Variants in CDH26 observed in about 807,000 individuals in gnomAD.
CDH26 encodes the protein cadherin 26, also known as cadherin-like protein 26.
CDH26 carries 83 observed loss-of-function variants against 90.3 expected under a neutral mutation model. The ratio of observed to expected loss-of-function variants is 0.92; its 90% CI spans 0.77 to 1.10. The LOEUF (loss-of-function observed/expected upper bound fraction) is 1.10, where lower values mean the gene tolerates loss of function less well. CDH26 is among the 50% of genes least tolerant of loss of function. The probability of loss-of-function intolerance (pLI) is 0.00; values close to 1 mark genes in which losing one functional copy is unlikely to be tolerated. For synonymous variants in CDH26, 397 were observed against 396.3 expected, an observed-to-expected ratio of 1.00 and a Z score of -0.02; for missense variants, 1,013 against 1,037.6, an observed-to-expected ratio of 0.98 and a Z score of 0.33.
chr20:60,020,863 G>C (rs552093355), intron 7 of CDH26, among the ~76,000 whole-genome samples: 1 of 152,274 alleles, frequency 6.6e-6, no homozygotes, highest in South Asian at 2.1e-4. Context: ...TTGTATGTAA[G>C]GACTGTAGGT....
chr20:60,021,202 G>C (rs2061949474), intron 7 of CDH26, among the ~76,000 whole-genome samples: 1 of 152,194 alleles, frequency 6.6e-6, no homozygotes, highest in Admixed American at 6.5e-5. Flanking sequence ...ATATACTTCT[G>C]AGTCTGAATT....
chr20:60,011,993 A>G (rs1040604005), intron 17 of CDH26, among the ~76,000 whole-genome samples: 10 of 152,116 alleles, frequency 6.6e-5, no homozygotes, highest in African/African-American at 2.2e-4. Context: ...CAGTGGTTTG[A>G]GGAGCCACAT....
At chr20:59,984,541 G>A in intron 5 of CDH26, 98 bp from the exon 6 acceptor site, 2 of 852,464 alleles carry the variant, frequency 2.3e-6, no homozygotes, top group Non-Finnish European at 3.7e-6. Flanking sequence ...ACTCATTTTG[G>A]TATATGCCCC....
At chr20:60,000,010 A>AT (rs1166113876) in intron 14 of CDH26, among the ~76,000 whole-genome samples, 1 of 152,234 alleles carries the variant, frequency 6.6e-6, no homozygotes, top group Non-Finnish European at 1.5e-5. Context: ...TTGTGTCCAC[A>AT]TTAAGTACAT....
chr20:59,968,847 A>G (rs1046875538), intron 1 of CDH26, 120 bp from the exon 2 acceptor site: 32 of 482,510 alleles, frequency 6.6e-5, no homozygotes, highest in Admixed American at 4.7e-4. Context: ...ATTTACCAAA[A>G]CTAACTACAG....
intron 1 of CDH26, 146 bp from the exon 2 acceptor site, chr20:59,968,821 G>T: frequency 2.3e-6 from 1 of 435,922 alleles, no homozygotes; most frequent in South Asian, 6.5e-5. Flanking sequence ...TTAAGATGTA[G>T]AGGATAAGAA....
chr20:60,012,809 C>G lies in CDH26; in HGVS notation c.*79C>G. ...TCAGGGATTTTTCCCCTTTGCTCTTCTTTTCCCTCCTTAAAAGAAAAATTA... is the reference window on the plus strand; with the variant it reads ...TCAGGGATTTTTCCCCTTTGCTCTTGTTTTCCCTCCTTAAAAGAAAAATTA... On this transcript the variant is annotated 3_prime_UTR_variant, in exon 18 of 18. Transcript: ENST00000348616. 2.2e-6 allele frequency: 3 copies of G among 1,360,608 alleles called. No individual in the cohort carries two copies. The highest frequency in any genetic ancestry group is 3.0e-6 in the Non-Finnish European group (3 of 984,670). The allele number at this position is 1,360,608 out of a possible 1,614,324, so 84.3% of individuals were successfully genotyped here.
At chr20:60,026,620 A>C (rs1471319478) in intron 7 of CDH26, among the ~76,000 whole-genome samples, 2 of 152,196 alleles carry the variant, frequency 1.3e-5, no homozygotes, top group Admixed American at 1.3e-4. Context: ...CAGTCCCACA[A>C]ACAAGGACCT....
intron 4 of CDH26, among the ~76,000 whole-genome samples, chr20:59,977,392 C>A (rs570397264): frequency 1.7e-3 from 266 of 152,258 alleles, no homozygotes; most frequent in Non-Finnish European, 3.3e-3. Flanking sequence ...TGCCCACAGC[C>A]TTTTCAGCCT....
At chr20:59,966,627 C>T (rs1206850486) in intron 1 of CDH26, among the ~76,000 whole-genome samples, 3 of 152,204 alleles carry the variant, frequency 2.0e-5, no homozygotes, top group African/African-American at 7.2e-5. Flanking sequence ...CAATTCCACT[C>T]ACCAACGTTA....
chr20:60,029,282 G>A (rs547224119), intron 7 of CDH26, among the ~76,000 whole-genome samples: 5 of 152,016 alleles, frequency 3.3e-5, no homozygotes, highest in Non-Finnish European at 7.4e-5. Flanking sequence ...AGTCAACAAC[G>A]TAGCACCTAT....
At chr20:60,022,204 G>T (rs2061964067) in intron 7 of CDH26, among the ~76,000 whole-genome samples, 1 of 151,958 alleles carries the variant, frequency 6.6e-6, no homozygotes, top group Non-Finnish European at 1.5e-5. Flanking sequence ...AAAATTCCTA[G>T]CTTGTAATGG....
chr20:59,981,162 A>AGT (rs1210666274), intron 4 of CDH26, among the ~76,000 whole-genome samples: 14 of 152,156 alleles, frequency 9.2e-5, no homozygotes, highest in African/African-American at 3.4e-4. Context: ...GAAATTATAT[A>AGT]GTGTGAGTCC....
chr20:59,971,936 C>G lies in CDH26; in HGVS notation c.232-26C>G, dbSNP rs194983. 5,067 of 1,584,390 alleles carry G rather than the reference C, an allele frequency of 3.2e-3. 139 individuals carry two copies. The African/African-American group carries it at 0.061, about 19-fold the overall frequency. On this transcript the variant is annotated intron_variant, in intron 3 of 17. Transcript: ENST00000348616. ...TGGCTTATTCTCATCCTCCTTTTTTCTTCTTTCCATTTTTCCTCCTTCCAG... is the reference window on the plus strand; with the variant it reads ...TGGCTTATTCTCATCCTCCTTTTTTGTTCTTTCCATTTTTCCTCCTTCCAG...
intron 17 of CDH26, among the ~76,000 whole-genome samples, chr20:60,012,201 C>T (rs748621753): frequency 8.6e-5 from 13 of 151,858 alleles, no homozygotes; most frequent in Non-Finnish European, 1.5e-4. Context: ...GGGGAGGTGT[C>T]CAGGGCACAG....
Position 59,972,100 on chromosome 20 carries a change from C to G in CDH26, c.370C>G (p.Arg124Gly). Reference protein sequence around the residue: ...GRIYVHRPVDREMTPSFTVYF... With the variant: ...GRIYVHRPVDGEMTPSFTVYF... ...GATATATGTTCACCGCCCTGTCGATCGAGAAATGACACCATCTTTCACGGT... is the reference window on the plus strand; with the variant it reads ...GATATATGTTCACCGCCCTGTCGATGGAGAAATGACACCATCTTTCACGGT... Residue 124 changes from arginine to glycine, a missense_variant, in exon 4 of 18, where the codon CGA (arginine) becomes GGA (glycine). Transcript: ENST00000348616. 3.7e-6 allele frequency: 6 copies of G among 1,613,694 alleles called. No individual in the cohort carries two copies. Among genetic ancestry groups the G allele is most frequent in the Non-Finnish European group, 5.1e-6 (6 of 1,179,848 alleles).
intron 1 of CDH26, among the ~76,000 whole-genome samples, chr20:59,967,865 CTT>C (rs1207823289): frequency 7.4e-5 from 8 of 108,206 alleles, no homozygotes; most frequent in African/African-American, 3.8e-4. Context: ...TTCTTTCTTT[CTT>C]TCTTTCTTTC....
intron 2 of CDH26, 126 bp downstream of exon 2, chr20:59,969,149 A>T: frequency 1.6e-6 from 1 of 613,448 alleles, no homozygotes; most frequent in Non-Finnish European, 3.0e-6. Context: ...TAAAATAGTA[A>T]CTTCATGTGG....
chr20:59,994,161 A>ATTTTTTTT, intron 10 of CDH26, 89 bp from the exon 11 acceptor site: 2 of 1,513,484 alleles, frequency 1.3e-6, no homozygotes, highest in Admixed American at 1.9e-5. Flanking sequence ...TTTCAGGAAT[A>ATTTTTTTT]TTTTTTTTCT....
Sources: allele counts gnomAD v4.1 joint callset (sites outside exome capture counted in the v4.1 genomes callset), GRCh38; gene constraint gnomAD v4.1.1; transcripts MANE v1.5; gene names NCBI Gene and HGNC (gene_info 2026-07-23, HGNC 2026-07-21).